Variants in KCNMA1 observed in about 807,000 individuals in gnomAD.
KCNMA1 encodes the protein Calcium-activated potassium channel subunit alpha-1.
KCNMA1 carries 29 observed loss-of-function variants against 140.0 expected under a neutral mutation model. That is an observed-to-expected ratio of 0.21 (90% CI 0.15 to 0.28). The LOEUF (loss-of-function observed/expected upper bound fraction) is 0.28. Among genes scored for constraint, KCNMA1 ranks in the 10% least tolerant of loss-of-function variants. The pLI is 1.00. For missense variants in KCNMA1, 880 were observed against 1,602.2 expected (o/e 0.55, Z 7.70); for synonymous variants, 612 against 611.9 (o/e 1.00, Z 0.00).
At chr10:76,995,345 C>T (rs1445251529) in intron 19 of KCNMA1, 2 of 315,208 alleles carry the variant, frequency 6.3e-6, no homozygotes, top group Non-Finnish European at 1.3e-5. Flanking sequence ...TCTCCCCAGA[C>T]CCATAAAGCC....
At chr10:77,472,997 G>A (rs2098198477) in intron 1 of KCNMA1, among the ~76,000 whole-genome samples, 1 of 152,172 alleles carries the variant, frequency 6.6e-6, no homozygotes, top group South Asian at 2.1e-4. Flanking sequence ...CTTCCCAGCG[G>A]GGCCACCCAC....
intron 2 of KCNMA1, among the ~76,000 whole-genome samples, chr10:77,268,603 G>A (rs2064073107): frequency 6.6e-6 from 1 of 152,086 alleles, no homozygotes; most frequent in African/African-American, 2.4e-5. Flanking sequence ...CTCAGGTCAT[G>A]GGAAGTGGCA....
chr10:77,403,184 T>C (rs867350842), intron 2 of KCNMA1, among the ~76,000 whole-genome samples: 2 of 152,252 alleles, frequency 1.3e-5, no homozygotes, highest in Middle Eastern at 3.4e-3. Flanking sequence ...AAGCTTCATA[T>C]AAGCAGATCA....
downstream of KCNMA1, chr10:76,876,273 C>T (rs1473407629): frequency 6.6e-6 from 1 of 152,566 alleles, no homozygotes; most frequent in Non-Finnish European, 1.5e-5. Flanking sequence ...CATTAAGTGT[C>T]CACAGTTTAC....
At chr10:77,315,941 TCCC>T (rs1023399734) in intron 2 of KCNMA1, among the ~76,000 whole-genome samples, 2 of 152,162 alleles carry the variant, frequency 1.3e-5, no homozygotes, top group African/African-American at 4.8e-5. Context: ...ATCTTTATAT[TCCC>T]AGTGCTAAGC....
intron 2 of KCNMA1, among the ~76,000 whole-genome samples, chr10:77,349,049 T>C (rs1414150937): frequency 6.6e-6 from 1 of 152,228 alleles, no homozygotes; most frequent in Non-Finnish European, 1.5e-5. Context: ...CAACTTACTT[T>C]CTTAATGCAA....
chr10:77,282,402 C>T (rs2154297172), intron 2 of KCNMA1, among the ~76,000 whole-genome samples: 1 of 152,312 alleles, frequency 6.6e-6, no homozygotes, highest in Admixed American at 6.5e-5. Context: ...TCTCCTCCCA[C>T]CAGTCTTCTT....
At chr10:77,341,638 G>A (rs553187739) in intron 2 of KCNMA1, among the ~76,000 whole-genome samples, 19 of 152,360 alleles carry the variant, frequency 1.2e-4, no homozygotes, top group South Asian at 8.3e-4. Flanking sequence ...GGGAGGGGAT[G>A]GTGATGTGGT....
chr10:77,199,851 C>T lies in KCNMA1; in HGVS notation c.603-14935G>A, dbSNP rs559312816. On this transcript the variant is annotated intron_variant, in intron 3 of 27. Coordinates refer to ENST00000286628, the MANE Select transcript of KCNMA1 (RefSeq NM_001161352.2). ...TTGTAAGGTTGGCAAGAAACAAGGCCAGACAGGAGACGGTGAAGCATCTGT... is the reference window on the plus strand; with the variant it reads ...TTGTAAGGTTGGCAAGAAACAAGGCTAGACAGGAGACGGTGAAGCATCTGT... Among the ~76,000 whole-genome samples, 85 of 152,328 alleles carry T rather than the reference C, an allele frequency of 5.6e-4. 1 individual carries two copies. The highest frequency in any genetic ancestry group is 2.0e-3 in the African/African-American group (84 of 41,576).
Position 77,416,765 on chromosome 10 carries a change from C to T in KCNMA1, c.379-12742G>A, listed in dbSNP as rs78392809. On this transcript the variant is annotated intron_variant, in intron 1 of 27. Transcript: ENST00000286628. The stretch of plus-strand genomic sequence containing the variant: ...CTGCCTGATTTGCCCACTCCACATC[C>T]TCAAAGCCTGAACAGCACCTAGCAC... Among the ~76,000 whole-genome samples the T allele has an allele frequency of 0.015, 2,287 of 152,280 alleles. 123 individuals are homozygous for T. In the East Asian group the frequency reaches 0.2, roughly 13 times the overall value.
chr10:76,881,755 G>T (rs2034755457), downstream of KCNMA1, among the ~76,000 whole-genome samples: 1 of 152,184 alleles, frequency 6.6e-6, no homozygotes, highest in African/African-American at 2.4e-5. Context: ...GAGAACAGGG[G>T]TGTGTATATC....
At chr10:77,191,241 ATAT>A (rs2098935805) in intron 3 of KCNMA1, among the ~76,000 whole-genome samples, 1 of 152,206 alleles carries the variant, frequency 6.6e-6, no homozygotes, top group African/African-American at 2.4e-5. Flanking sequence ...TTAGAAACTG[ATAT>A]TATTATTCAT....
At chr10:76,908,109 T>G (rs939413356) in intron 25 of KCNMA1, among the ~76,000 whole-genome samples, 6 of 152,172 alleles carry the variant, frequency 3.9e-5, no homozygotes, top group Non-Finnish European at 8.8e-5. Context: ...AGAACTAAAA[T>G]AAAAATTTCT....
chr10:77,063,712 A>G, intron 14 of KCNMA1: 1 of 983,842 alleles, frequency 1.0e-6, no homozygotes, highest in Non-Finnish European at 1.2e-6. Flanking sequence ...TGGCTTACAT[A>G]GGACTTTGCG....
At chr10:77,407,220 C>T (rs2096496437) in intron 1 of KCNMA1, among the ~76,000 whole-genome samples, 1 of 152,150 alleles carries the variant, frequency 6.6e-6, no homozygotes, top group South Asian at 2.1e-4. Flanking sequence ...TATTTAAAGC[C>T]TGATGCCAGC....
chr10:77,162,725 G>T (rs2098578106), intron 5 of KCNMA1, among the ~76,000 whole-genome samples: 1 of 152,200 alleles, frequency 6.6e-6, no homozygotes, highest in African/African-American at 2.4e-5. Context: ...GCATTAGACA[G>T]GCAAATTAAC....
chr10:77,173,447 T>C (rs959141142), intron 5 of KCNMA1, among the ~76,000 whole-genome samples: 3 of 152,134 alleles, frequency 2.0e-5, no homozygotes, highest in Admixed American at 6.5e-5. Context: ...ACCTATTTCA[T>C]AGTACTGTTT....
At chr10:77,351,047 G>GA (rs1246319143) in intron 2 of KCNMA1, among the ~76,000 whole-genome samples, 1 of 152,136 alleles carries the variant, frequency 6.6e-6, no homozygotes, top group Non-Finnish European at 1.5e-5. Context: ...AAAGATCAAA[G>GA]AAAAAAGTTT....
intron 5 of KCNMA1, among the ~76,000 whole-genome samples, chr10:77,163,593 AC>A (rs1345162864): frequency 6.6e-6 from 1 of 152,200 alleles, no homozygotes; most frequent in Non-Finnish European, 1.5e-5. Flanking sequence ...GATGGAACTC[AC>A]AGTCTGGGTC....
Sources: allele counts gnomAD v4.1 joint callset (sites outside exome capture counted in the v4.1 genomes callset), GRCh38; gene constraint gnomAD v4.1.1; transcripts MANE v1.5; gene names NCBI Gene and HGNC (gene_info 2026-07-23, HGNC 2026-07-21).